Variants in PPEF1 observed in about 807,000 individuals in gnomAD.
The protein encoded by PPEF1 is protein phosphatase with EF-hand domain 1.
PPEF1 carries 12 observed loss-of-function variants against 53.3 expected under a neutral mutation model. That is an observed-to-expected ratio of 0.23 (90% CI 0.14 to 0.36). PPEF1 has a LOEUF of 0.36. Ranked by LOEUF, PPEF1 falls within the 10% of genes least tolerant of loss-of-function variation. The pLI, the probability that PPEF1 is intolerant of heterozygous loss-of-function variation, is 1.00. For synonymous variants in PPEF1, 165 were observed against 176.7 expected, an observed-to-expected ratio of 0.93 and a Z score of 0.52; for missense variants, 334 against 490.4, an observed-to-expected ratio of 0.68 and a Z score of 3.01.
chrX:18,754,567 A>G (rs1660502428), intron 4 of PPEF1, among the ~76,000 whole-genome samples: 1 of 93,594 alleles, frequency 1.1e-5, no homozygotes, highest in African/African-American at 3.6e-5. Flanking sequence ...CTGGAAGACA[A>G]TAGGCCTGAG....
chrX:18,794,980 C>G (rs973645360), intron 10 of PPEF1, among the ~76,000 whole-genome samples: 15 of 112,327 alleles, frequency 1.3e-4, no homozygotes, highest in African/African-American at 4.5e-4. Flanking sequence ...GCCATTAGGA[C>G]AATTTCCAGT....
intron 6 of PPEF1, among the ~76,000 whole-genome samples, chrX:18,775,619 A>G (rs1011705179): frequency 3.6e-5 from 4 of 112,426 alleles, no homozygotes; most frequent in African/African-American, 1.3e-4. Flanking sequence ...ATTACTTTAA[A>G]AACAAACTAG....
intron 2 of PPEF1, among the ~76,000 whole-genome samples, chrX:18,685,403 C>G (rs1929029452): frequency 1.8e-5 from 2 of 112,032 alleles, no homozygotes; most frequent in East Asian, 2.8e-4. Context: ...GCAGTGGGTT[C>G]TGCCAGGCAC....
At chrX:18,812,706 A>G (rs1158219082) in intron 12 of PPEF1, among the ~76,000 whole-genome samples, 3 of 111,989 alleles carry the variant, frequency 2.7e-5, no homozygotes, top group African/African-American at 9.7e-5. Context: ...ATTTTGCTAA[A>G]TTTATTTCTA....
intron 6 of PPEF1, among the ~76,000 whole-genome samples, chrX:18,701,611 A>G (rs1249331709): frequency 1.8e-5 from 2 of 112,423 alleles, no homozygotes; most frequent in Admixed American, 9.4e-5. Flanking sequence ...GTTAGGAACA[A>G]TAGTTCTTGA....
chrX:18,721,145 A>T (rs1403546888), intron 1 of PPEF1, among the ~76,000 whole-genome samples: 2 of 111,057 alleles, frequency 1.8e-5, no homozygotes, highest in Non-Finnish European at 3.8e-5. Context: ...TTCCCCATCC[A>T]TCTTCCCTCC....
intron 6 of PPEF1, among the ~76,000 whole-genome samples, chrX:18,777,551 G>C (rs906149439): frequency 1.2e-4 from 13 of 107,657 alleles, no homozygotes; most frequent in African/African-American, 4.4e-4. Flanking sequence ...ACGGAGTCTT[G>C]CTGTGTCGCC....
At chrX:18,711,078 A>G (rs200446266) in intron 1 of PPEF1, among the ~76,000 whole-genome samples, 141 of 100,631 alleles carry the variant, frequency 1.4e-3, no homozygotes, top group Non-Finnish European at 1.7e-3. Context: ...ATGTATATAT[A>G]TGTGTGTGTG....
intron 3 of PPEF1, among the ~76,000 whole-genome samples, chrX:18,745,235 A>G (rs1234606628): frequency 1.0e-5 from 1 of 98,801 alleles, no homozygotes; most frequent in Admixed American, 1.3e-4. Flanking sequence ...TATTTTCGAG[A>G]CAGGGTCTCA....
At chrX:18,766,820 G>A (rs1441002055) in intron 6 of PPEF1, among the ~76,000 whole-genome samples, 4 of 111,808 alleles carry the variant, frequency 3.6e-5, no homozygotes, top group East Asian at 2.8e-4. Context: ...AGGCTGAGGC[G>A]GGTGGATCAC....
At chrX:18,767,124 T>C (rs781558948) in intron 6 of PPEF1, among the ~76,000 whole-genome samples, 2 of 112,343 alleles carry the variant, frequency 1.8e-5, no homozygotes, top group African/African-American at 6.5e-5. Context: ...GAAATACTAA[T>C]ACTCAGCGAT....
intron 6 of PPEF1, among the ~76,000 whole-genome samples, chrX:18,764,712 G>C (rs984914381): frequency 1.8e-5 from 2 of 111,591 alleles, no homozygotes; most frequent in Non-Finnish European, 3.8e-5. Flanking sequence ...AGGGGGCAGG[G>C]CATGTGGAGA....
intron 3 of PPEF1, among the ~76,000 whole-genome samples, chrX:18,745,107 A>G (rs1054280239): frequency 1.0e-5 from 1 of 95,779 alleles, no homozygotes; most frequent in Non-Finnish European, 2.0e-5. Context: ...TATATATTAT[A>G]TAATTATATT....
At chrX:18,684,066 CTT>C (rs1034397204) in intron 1 of PPEF1, among the ~76,000 whole-genome samples, 2 of 112,304 alleles carry the variant, frequency 1.8e-5, no homozygotes, top group African/African-American at 6.5e-5. Flanking sequence ...TTGACAATGT[CTT>C]TAATTTGTCC....
rs17247421 is a variant in PPEF1, at chrX:18,806,859, A to G, written c.1394+314A>G. Among the ~76,000 whole-genome samples the G allele has an allele frequency of 9.3e-3, 1,037 of 111,894 alleles. 8 individuals carry two copies. The highest frequency in any genetic ancestry group is 0.016 in the Non-Finnish European group (860 of 53,122). Reference sequence around the variant, plus strand: ...AACCTACAACCTTCTCTGACCCACAAACAGCTCTATCTGGTCTTGCCCCTT... The same window carrying G: ...AACCTACAACCTTCTCTGACCCACAGACAGCTCTATCTGGTCTTGCCCCTT... On this transcript the variant is annotated intron_variant, in intron 12 of 15. Transcript: ENST00000470157.
chrX:18,740,441 G>T (rs191767072), intron 3 of PPEF1, among the ~76,000 whole-genome samples: 1,680 of 102,610 alleles, frequency 0.016, 19 homozygotes, highest in Non-Finnish European at 0.025. Flanking sequence ...ACAGAGTCTC[G>T]CTCTGTTTCC....
At chrX:18,753,900 C>T (rs1409838636) in intron 4 of PPEF1, among the ~76,000 whole-genome samples, 1 of 110,929 alleles carries the variant, frequency 9.0e-6, no homozygotes, top group Non-Finnish European at 1.9e-5. Flanking sequence ...TCCATGTGTC[C>T]TTGAGAACAA....
At chrX:18,778,145 G>A (rs1186712889) in intron 6 of PPEF1, among the ~76,000 whole-genome samples, 1 of 111,406 alleles carries the variant, frequency 9.0e-6, no homozygotes, top group Non-Finnish European at 1.9e-5. Context: ...GTCTTATTAT[G>A]CAGTAGAAGC....
At position 18,745,123 on chromosome X, in the gene PPEF1, T is replaced by TA. The variant is rs1274647807; in HGVS notation, c.236-4668dup. Among the ~76,000 whole-genome samples the TA allele has an allele frequency of 4.0e-3, 382 of 95,585 alleles. 2 individuals carry two copies. The highest frequency in any genetic ancestry group is 0.014 in the African/African-American group (371 of 25,833). The allele number at this position is 95,585 out of a possible 115,157, so 83.0% of individuals were successfully genotyped here. A position where few individuals can be genotyped will look rare whatever the true frequency, so the allele number is the denominator to read the frequency against. On this transcript the variant is annotated intron_variant, in intron 3 of 15. Transcript: ENST00000470157. ...ATATATTATATAATTATATTATATA[T>TA]ATTATATAATTATATTATATATATT... is the stretch of plus-strand genomic sequence containing the variant.
Sources: gnomAD v4.1 joint callset for allele counts (sites outside exome capture counted in the v4.1 genomes callset) on GRCh38, gnomAD v4.1.1 for gene constraint, MANE v1.5 for transcripts, NCBI Gene and HGNC (gene_info 2026-07-23, HGNC 2026-07-21) for gene names.